PSG1: variants seen among roughly 807,000 people sequenced by gnomAD.
PSG1 encodes the protein pregnancy specific beta-1-glycoprotein 1, also known as pregnancy-specific beta-1-glycoprotein 1.
PSG1 carries 60 observed loss-of-function variants against 41.4 expected under a neutral mutation model. The observed-to-expected ratio is 1.45, with a 90% CI of 1.18 to 1.80. The LOEUF is 1.80. Ranked by LOEUF, PSG1 falls within the 40% of genes most tolerant of loss-of-function variation. The probability of loss-of-function intolerance (pLI) is 0.00; values close to 1 mark genes in which losing one functional copy is unlikely to be tolerated. For synonymous variants in PSG1, 256 were observed against 192.9 expected (o/e 1.33, Z -2.71); for missense variants, 806 against 516.9 (o/e 1.56, Z -5.42).
intron 3 of PSG1, 99 bp downstream of exon 3, chr19:42,871,667 AG>A: frequency 6.2e-7 from 1 of 1,610,868 alleles, no homozygotes; most frequent in Non-Finnish European, 8.5e-7. Flanking sequence ...CCAGGGGTAA[AG>A]GTCTCTGTAT....
intron 1 of PSG1, among the ~76,000 whole-genome samples, chr19:42,878,730 G>T (rs1046977209): frequency 2.0e-5 from 3 of 149,578 alleles, no homozygotes; most frequent in Non-Finnish European, 4.4e-5. Context: ...TCACATTCTA[G>T]ATCTCTTTGC....
chr19:42,873,157 C>T (rs1452964244), intron 2 of PSG1, among the ~76,000 whole-genome samples: 1 of 151,554 alleles, frequency 6.6e-6, no homozygotes, highest in African/African-American at 2.4e-5. Context: ...CTAGAGATCT[C>T]CTGTACAGCC....
rs1375862804 is a variant in PSG1 at position 42,875,365 on chromosome 19, G to A, written c.430+2548C>T. On this transcript the variant is annotated intron_variant, in intron 2 of 5. Coordinates refer to ENST00000436291, the MANE Select transcript of PSG1 (RefSeq NM_001184825.2). ...GGAACTGAATTTTGCTAAAATGTAGGCACAGTTTCTATAATCCCTGACTGC... is the reference window on the plus strand; with the variant it reads ...GGAACTGAATTTTGCTAAAATGTAGACACAGTTTCTATAATCCCTGACTGC... Among the ~76,000 whole-genome samples, 3 of 151,744 alleles carry A rather than the reference G, an allele frequency of 2.0e-5. 1 individual carries two copies. The highest frequency in any genetic ancestry group is 3.9e-4 in the East Asian group (2 of 5,174).
rs374973420 is a variant in PSG1 at position 42,871,812 on chromosome 19, G to T, written c.664C>A (p.Pro222Thr). 5.0e-6 allele frequency: 8 copies of T among 1,612,602 alleles called. No individual in the cohort carries two copies. Among genetic ancestry groups the T allele is most frequent in the Admixed American group, 3.3e-5 (2 of 59,884 alleles). ...AGPYECEIRNPVSASRSDPVT... is the reference protein window; with the variant it reads ...AGPYECEIRNTVSASRSDPVT... Reference sequence around the variant, plus strand: ...GGGTCACTGCGGCTGGCACTCACTGGGTTCCGTATTTCACATTCATAGGGT... The same window carrying T: ...GGGTCACTGCGGCTGGCACTCACTGTGTTCCGTATTTCACATTCATAGGGT... The change falls in exon 3 of 6, where the codon CCA (proline) becomes ACA (threonine). Residue 222 changes from proline (P) to threonine (T), a missense_variant. Coordinates refer to ENST00000436291, the MANE Select transcript of PSG1 (RefSeq NM_001184825.2).
At position 42,866,852 on chromosome 19, in the gene PSG1, GA is replaced by G. The variant is rs2122478607; in HGVS notation, c.*281del. 1.6e-6 allele frequency: 1 copy of G among 627,500 alleles called. No individual in the cohort carries two copies. The highest frequency in any genetic ancestry group is 2.8e-5 in the East Asian group (1 of 36,100). The allele number at this position is 627,500 out of a possible 1,614,324, so 38.9% of individuals were successfully genotyped here. On this transcript the variant is annotated 3_prime_UTR_variant, in exon 6 of 6. Coordinates refer to ENST00000436291, the MANE Select transcript of PSG1 (RefSeq NM_001184825.2). ...ATGAGCAAGGACAGTTAAGAGGGGG[GA>G]GAGCCTCATCATGATGGGGAGTCTT...
At position 42,874,807 on chromosome 19, in the gene PSG1, G is replaced by A. The variant is rs367624850; in HGVS notation, c.431-2762C>T. Among the ~76,000 whole-genome samples, 11 of 151,542 alleles carry A rather than the reference G, an allele frequency of 7.3e-5. No individual in the cohort carries two copies. In the South Asian group the frequency reaches 1.5e-3, roughly 20 times the overall value. ...AGCTCCATAGCAGGTTGAGGATGGC[G>A]TCATGAGTGAGGATGGGGTCAAGAG... is the stretch of plus-strand genomic sequence containing the variant. On this transcript the variant is annotated intron_variant, in intron 2 of 5. Transcript: ENST00000436291.
chr19:42,873,945 G>C (rs1971497880), intron 2 of PSG1, among the ~76,000 whole-genome samples: 2 of 151,598 alleles, frequency 1.3e-5, no homozygotes, highest in East Asian at 3.9e-4. Flanking sequence ...AAGAGTCTAA[G>C]TGAGATGGCA....
At position 42,868,022 on chromosome 19, in the gene PSG1, T is replaced by C. The variant is rs780765821; in HGVS notation, c.1243+79A>G. 18 of 1,610,612 alleles carry C rather than the reference T, an allele frequency of 1.1e-5. 1 individual carries two copies. The East Asian group carries it at 2.2e-4, about 20-fold the overall frequency. On this transcript the variant is annotated intron_variant, in intron 5 of 5. Transcript: ENST00000436291. Reference sequence around the variant, plus strand: ...CATGGGACACAGGCTGGGAATACAATTGTTTTCCTGACTCTTCTCTGAATG... The same window carrying C: ...CATGGGACACAGGCTGGGAATACAACTGTTTTCCTGACTCTTCTCTGAATG...
In PSG1 at chr19:42,871,884, T is replaced by C; in HGVS notation, c.592A>G (p.Thr198Ala). The C allele has an allele frequency of 6.2e-7, 1 of 1,612,426 alleles. No homozygotes were observed. The highest frequency in any genetic ancestry group is 8.5e-7 in the Non-Finnish European group (1 of 1,179,182). ...CCCAATAGAAAGAGGGTCCTGTTGG[T>C]TTCGGACAGCTTCAAGCTGTGAGTC... ...PMTHSLKLSE[T>A]NRTLFLLGVT... Residue 198 changes from threonine (T) to alanine (A), a missense_variant, in exon 3 of 6, where the codon ACC becomes GCC. Thr to Ala is a moderately conservative substitution (Grantham distance 58). Transcript: ENST00000436291.
intron 2 of PSG1, among the ~76,000 whole-genome samples, chr19:42,877,322 A>G (rs111963947): frequency 2.3e-4 from 35 of 151,614 alleles, no homozygotes; most frequent in African/African-American, 4.8e-4. Flanking sequence ...CACTCTGAGT[A>G]TCAGGTGAAG....
chr19:42,875,663 G>C (rs115651701), intron 2 of PSG1, among the ~76,000 whole-genome samples: 19,193 of 151,106 alleles, frequency 0.13, 1,659 homozygotes, highest in Admixed American at 0.18. Flanking sequence ...TAGTCCTGTG[G>C]CCCTGAAACT....
At chr19:42,869,976 T>C (rs1971311301) in intron 3 of PSG1, 1 of 151,656 alleles carries the variant, frequency 6.6e-6, no homozygotes, top group African/African-American at 2.4e-5. Flanking sequence ...TTTATTTCAT[T>C]GGACATTCTA....
intron 3 of PSG1, among the ~76,000 whole-genome samples, chr19:42,871,175 C>A (rs1388959380): frequency 2.0e-5 from 3 of 151,532 alleles, no homozygotes; most frequent in Non-Finnish European, 4.4e-5. Context: ...TGAAACAGAC[C>A]TAGATCCCTG....
At position 42,878,124 on chromosome 19, in the gene PSG1, C is replaced by T. The variant is rs772016676; in HGVS notation, c.219G>A (p.Arg73=). 1.2e-5 allele frequency: 20 copies of T among 1,612,078 alleles called. 1 individual carries two copies. The highest frequency in any genetic ancestry group is 1.1e-4 in the East Asian group (5 of 44,794). ...ATGATGTAATGTAATGGTAGAGGTC[C>T]CTCATTTGCCCTTTGTACCAGATGT... ...TGYIWYKGQM[R]DLYHYITSYV... Residue 73 remains arginine (R), a synonymous_variant, in exon 2 of 6, where the codon AGG becomes AGA. Transcript: ENST00000436291.
intron 2 of PSG1, among the ~76,000 whole-genome samples, chr19:42,876,286 A>T (rs549709891): frequency 6.6e-6 from 1 of 151,428 alleles, no homozygotes; most frequent in Non-Finnish European, 1.5e-5. Context: ...CAGAAACTCC[A>T]GGGACCAGGT....
At position 42,867,085 on chromosome 19, in the gene PSG1, C is replaced by G. The variant is rs376439161; in HGVS notation, c.*49G>C. 3.1e-5 allele frequency: 24 copies of G among 772,642 alleles called. No homozygotes were observed. The highest frequency in any genetic ancestry group is 1.7e-4 in the African/African-American group (10 of 58,898). The allele number at this position is 772,642 out of a possible 1,614,324, so 47.9% of individuals were successfully genotyped here. On this transcript the variant is annotated 3_prime_UTR_variant, in exon 6 of 6. Coordinates refer to ENST00000436291, the MANE Select transcript of PSG1 (RefSeq NM_001184825.2). The stretch of plus-strand genomic sequence containing the variant: ...GGCTTCTGGAACAGAGTGGGTCTTG[C>G]TCTTAGTGATTCCATGGGAGAAAAT...
chr19:42,869,189 A>G, intron 3 of PSG1, 155 bp from the exon 4 acceptor site: 1 of 1,466,702 alleles, frequency 6.8e-7, no homozygotes, highest in East Asian at 2.3e-5. Context: ...ATGCATGATG[A>G]TCTAAGGGCT....
At chr19:42,876,190 A>T (rs1971597570) in intron 2 of PSG1, among the ~76,000 whole-genome samples, 1 of 151,454 alleles carries the variant, frequency 6.6e-6, no homozygotes, top group Non-Finnish European at 1.5e-5. Context: ...GCCAGTCAGA[A>T]TGAAGTGGGA....
chr19:42,867,786 A>T (rs1245566335), intron 5 of PSG1: 7 of 1,099,588 alleles, frequency 6.4e-6, no homozygotes, highest in Non-Finnish European at 9.4e-6. Context: ...TCAATGTAGA[A>T]AACAAACCAT....
Sources: gnomAD v4.1 joint callset for allele counts (sites outside exome capture counted in the v4.1 genomes callset) on GRCh38, gnomAD v4.1.1 for gene constraint, MANE v1.5 for transcripts, NCBI Gene and HGNC (gene_info 2026-07-23, HGNC 2026-07-21) for gene names.